FBXO8: variants seen among roughly 807,000 people sequenced by gnomAD.
The protein encoded by FBXO8 is F-box only protein 8.
A neutral mutation model predicts 33.4 loss-of-function variants in FBXO8; 15 were observed. The observed-to-expected ratio is 0.45, with a 90% confidence interval of 0.30 to 0.69. The LOEUF (loss-of-function observed/expected upper bound fraction) is 0.69, where lower values mean the gene tolerates loss of function less well. FBXO8 is among the 30% of genes least tolerant of loss of function. The pLI is 0.08. For synonymous variants in FBXO8, 132 were observed against 131.5 expected, an observed-to-expected ratio of 1.00 and a Z score of -0.02; for missense variants, 274 against 380.3, an observed-to-expected ratio of 0.72 and a Z score of 2.32.
rs931458963 is a variant in FBXO8 at position 174,259,271 on chromosome 4, T to C, written c.456+428A>G. 1.3e-5 allele frequency among the ~76,000 whole-genome samples: 2 copies of C among 152,068 alleles called. No individual in the cohort carries two copies. Among genetic ancestry groups the C allele is most frequent in the African/African-American group, 2.4e-5 (1 of 41,440 alleles). On this transcript the variant is annotated intron_variant, in intron 3 of 5. Transcript: ENST00000393674. This position sits in a 1 kb window ranked among gnomAD's most constrained non-coding sequence, Gnocchi z 4.3. ...TATTTGAAGACAACGTTTTGATTTG[T>C]CAGAAAATAGAACAATGTCCTCAAT...
Position 174,238,659 on chromosome 4 carries a change from C to T in FBXO8, c.772+335G>A, listed in dbSNP as rs551428260. On this transcript the variant is annotated intron_variant, in intron 5 of 5. Transcript: ENST00000393674. Reference sequence around the variant, plus strand: ...GTGTATGTCTATATGTGTATATAGACATAGACATTTGTATACATATAAATT... The same window carrying T: ...GTGTATGTCTATATGTGTATATAGATATAGACATTTGTATACATATAAATT... Among the ~76,000 whole-genome samples, 4 of 148,680 alleles carry T rather than the reference C, an allele frequency of 2.7e-5. No individual in the cohort carries two copies. The South Asian group carries it at 8.5e-4, about 31-fold the overall frequency.
intron 3 of FBXO8, among the ~76,000 whole-genome samples, chr4:174,258,043 T>G (rs1186094047): frequency 6.6e-6 from 1 of 152,140 alleles, no homozygotes; most frequent in Non-Finnish European, 1.5e-5. Context: ...AATATATATT[T>G]TATTATAAAG....
chr4:174,272,876 G>C lies in FBXO8; in HGVS notation c.-8-9776C>G, dbSNP rs528334514. On this transcript the variant is annotated intron_variant, in intron 1 of 5. Coordinates refer to ENST00000393674, the MANE Select transcript of FBXO8 (RefSeq NM_012180.3). The surrounding 1 kb of genome is among the most constrained non-coding windows in gnomAD (Gnocchi z 4.7). ...GGCAAATGCACATCATATGCCTCTAGATGTGATGCCCTGAGGACACAACAT... is the reference window on the plus strand; with the variant it reads ...GGCAAATGCACATCATATGCCTCTACATGTGATGCCCTGAGGACACAACAT... Among the ~76,000 whole-genome samples the C allele has an allele frequency of 1.3e-5, 2 of 152,250 alleles. No individual in the cohort carries two copies. Among genetic ancestry groups the C allele is most frequent in the South Asian group, 2.1e-4 (1 of 4,822 alleles).
chr4:174,263,344 A>G lies in FBXO8; in HGVS notation c.-8-244T>C, dbSNP rs1736615884. On this transcript the variant is annotated intron_variant, in intron 1 of 5. Coordinates refer to ENST00000393674, the MANE Select transcript of FBXO8 (RefSeq NM_012180.3). The surrounding 1 kb of genome is among the most constrained non-coding windows in gnomAD (Gnocchi z 4.2). ...TTATCCCAGTTTGCTAACTACTTCT[A>G]AAGTCCATATGTGACATAATCATTT... Among the ~76,000 whole-genome samples the G allele has an allele frequency of 6.6e-6, 1 of 152,196 alleles. No homozygotes were observed. Among genetic ancestry groups the G allele is most frequent in the South Asian group, 2.1e-4 (1 of 4,834 alleles).
At position 174,274,458 on chromosome 4, in the gene FBXO8, G is replaced by A. The variant is rs1229272491; in HGVS notation, c.-9+8952C>T. Reference sequence around the variant, plus strand: ...TTCATTTCAAATACACCTGATAACTGTGGATTAATTACCTGAGTAGTCATA... The same window carrying A: ...TTCATTTCAAATACACCTGATAACTATGGATTAATTACCTGAGTAGTCATA... On this transcript the variant is annotated intron_variant, in intron 1 of 5. Transcript: ENST00000393674. This position sits in a 1 kb window ranked among gnomAD's most constrained non-coding sequence, Gnocchi z 4.0. Among the ~76,000 whole-genome samples the A allele has an allele frequency of 6.6e-6, 1 of 152,102 alleles. No individual in the cohort carries two copies. The highest frequency in any genetic ancestry group is 2.4e-5 in the African/African-American group (1 of 41,398).
At chr4:174,279,208 G>T (rs986151291) in intron 1 of FBXO8, among the ~76,000 whole-genome samples, 1 of 152,092 alleles carries the variant, frequency 6.6e-6, no homozygotes, top group East Asian at 1.9e-4. Flanking sequence ...GAAATAAGTC[G>T]TATTTCTATA....
chr4:174,278,710 C>G lies in FBXO8; in HGVS notation c.-9+4700G>C, dbSNP rs1005841842. Among the ~76,000 whole-genome samples, 1 of 152,030 alleles carries G rather than the reference C, an allele frequency of 6.6e-6. No homozygotes were observed. The highest frequency in any genetic ancestry group is 1.5e-5 in the Non-Finnish European group (1 of 67,946). On this transcript the variant is annotated intron_variant, in intron 1 of 5. Transcript: ENST00000393674. The surrounding 1 kb of genome is among the most constrained non-coding windows in gnomAD (Gnocchi z 4.1). ...ATACACATACTCACCTGCCCACTAACCACAAAGGCCATTGCTATGAGTGCT... is the reference window on the plus strand; with the variant it reads ...ATACACATACTCACCTGCCCACTAAGCACAAAGGCCATTGCTATGAGTGCT...
In FBXO8 at chr4:174,254,165, G is replaced by A. The variant is rs1227512179; in HGVS notation, c.456+5534C>T. On this transcript the variant is annotated intron_variant, in intron 3 of 5. Coordinates refer to ENST00000393674, the MANE Select transcript of FBXO8 (RefSeq NM_012180.3). The surrounding 1 kb of genome is among the most constrained non-coding windows in gnomAD (Gnocchi z 4.2). ...TGAGTCGAGCAGCATAATGAAGGGTGCTGAGAACTCAATTCTTCCTAGCTA... is the reference window on the plus strand; with the variant it reads ...TGAGTCGAGCAGCATAATGAAGGGTACTGAGAACTCAATTCTTCCTAGCTA... 6.6e-6 allele frequency among the ~76,000 whole-genome samples: 1 copy of A among 152,160 alleles called. No homozygotes were observed. Among genetic ancestry groups the A allele is most frequent in the African/African-American group, 2.4e-5 (1 of 41,440 alleles).
rs558798096 is a variant in FBXO8 at position 174,263,311 on chromosome 4, C to T, written c.-8-211G>A. On this transcript the variant is annotated intron_variant, in intron 1 of 5. Coordinates refer to ENST00000393674, the MANE Select transcript of FBXO8 (RefSeq NM_012180.3). This position sits in a 1 kb window ranked among gnomAD's most constrained non-coding sequence, Gnocchi z 4.2. ...AAGTTTCAGAATTACTTGGTTCGAT[C>T]ATCACCTTTATCCCAGTTTGCTAAC... 2.9e-4 allele frequency among the ~76,000 whole-genome samples: 44 copies of T among 152,292 alleles called. No individual in the cohort carries two copies. The highest frequency in any genetic ancestry group is 1.0e-3 in the African/African-American group (43 of 41,560).
Position 174,262,138 on chromosome 4 carries a change from A to T in FBXO8, c.329+626T>A, listed in dbSNP as rs1736578470. Among the ~76,000 whole-genome samples the T allele has an allele frequency of 2.0e-5, 3 of 152,158 alleles. No homozygotes were observed. The highest frequency in any genetic ancestry group is 7.2e-5 in the African/African-American group (3 of 41,454). ...ACTAGTACAATGTGGAAATTTATGT[A>T]ATCTAAGTTCAGCAAGTAAATAAAA... On this transcript the variant is annotated intron_variant, in intron 2 of 5. Coordinates refer to ENST00000393674, the MANE Select transcript of FBXO8 (RefSeq NM_012180.3). This position sits in a 1 kb window ranked among gnomAD's most constrained non-coding sequence, Gnocchi z 4.6.
At chr4:174,276,022 CAAAG>C (rs1205184189) in intron 1 of FBXO8, among the ~76,000 whole-genome samples, 1 of 151,902 alleles carries the variant, frequency 6.6e-6, no homozygotes, top group Non-Finnish European at 1.5e-5. Context: ...TATTTAAAAA[CAAAG>C]TAATAAGCTA....
intron 1 of FBXO8, among the ~76,000 whole-genome samples, chr4:174,264,833 C>T (rs1736654881): frequency 1.4e-5 from 2 of 147,184 alleles, no homozygotes; most frequent in Admixed American, 1.3e-4. Flanking sequence ...AATAAAAAGA[C>T]AAGCCACGGA....
At position 174,281,459 on chromosome 4, in the gene FBXO8, G is replaced by A. The variant is rs11730346; in HGVS notation, c.-9+1951C>T. Reference sequence around the variant, plus strand: ...CACCTATGATTCCTGAACCTTGGGAGGCTGTGGAAGGAGGATCGCTTGAGC... The same window carrying A: ...CACCTATGATTCCTGAACCTTGGGAAGCTGTGGAAGGAGGATCGCTTGAGC... On this transcript the variant is annotated intron_variant, in intron 1 of 5. Coordinates refer to ENST00000393674, the MANE Select transcript of FBXO8 (RefSeq NM_012180.3). This position sits in a 1 kb window ranked among gnomAD's most constrained non-coding sequence, Gnocchi z 4.6. Among the ~76,000 whole-genome samples, 21,571 of 152,208 alleles carry A rather than the reference G, an allele frequency of 0.14. 2,036 individuals are homozygous for A. Among genetic ancestry groups the A allele is most frequent in the Admixed American group, 0.25 (3,758 of 15,292 alleles).
At position 174,261,816 on chromosome 4, in the gene FBXO8, T is replaced by C. The variant is rs542880077; in HGVS notation, c.329+948A>G. ...TGACTAAAGTTTGTAATTTATTAAG[T>C]CTCTCAATTAGATTTCTAGTTTGAA... On this transcript the variant is annotated intron_variant, in intron 2 of 5. Coordinates refer to ENST00000393674, the MANE Select transcript of FBXO8 (RefSeq NM_012180.3). This position sits in a 1 kb window ranked among gnomAD's most constrained non-coding sequence, Gnocchi z 4.1. Among the ~76,000 whole-genome samples, 48 of 152,184 alleles carry C rather than the reference T, an allele frequency of 3.2e-4. No homozygotes were observed. The South Asian group carries it at 9.9e-3, about 32-fold the overall frequency.
chr4:174,271,977 G>A (rs1025484538), intron 1 of FBXO8, among the ~76,000 whole-genome samples: 4 of 152,154 alleles, frequency 2.6e-5, no homozygotes, highest in Non-Finnish European at 1.5e-5. Context: ...TTCTCAACTT[G>A]TACCTTTCCA....
Position 174,241,139 on chromosome 4 carries a change from G to A in FBXO8, c.536C>T (p.Thr179Ile), listed in dbSNP as rs1265058296. 2 of 1,609,080 alleles carry A rather than the reference G, an allele frequency of 1.2e-6. No homozygotes were observed. Among genetic ancestry groups the A allele is most frequent in the East Asian group, 2.2e-5 (1 of 44,664 alleles). Residue 179 changes from threonine to isoleucine, a missense_variant, in exon 4 of 6, where the codon ACA becomes ATA. Around this residue, in one of 2 missense-constraint regions of FBXO8, gnomAD observed 186 missense variants for 293.4 expected, o/e 0.63. Transcript: ENST00000393674. The surrounding 1 kb of genome is among the most constrained non-coding windows in gnomAD (Gnocchi z 4.2). Reference protein sequence around the residue: ...EIAKFIFCTRTLNWKKLRIYL... With the variant: ...EIAKFIFCTRILNWKKLRIYL... ...GATTCTCAGTTTTTTCCAATTTAGT[G>A]TTCTTGTACAGAAGATAAACTTTGC...
rs1404467489 is a variant in FBXO8, at chr4:174,262,296, G to A, written c.329+468C>T. 1.3e-5 allele frequency among the ~76,000 whole-genome samples: 2 copies of A among 152,136 alleles called. No individual in the cohort carries two copies. The highest frequency in any genetic ancestry group is 4.8e-5 in the African/African-American group (2 of 41,426). On this transcript the variant is annotated intron_variant, in intron 2 of 5. Coordinates refer to ENST00000393674, the MANE Select transcript of FBXO8 (RefSeq NM_012180.3). The surrounding 1 kb of genome is among the most constrained non-coding windows in gnomAD (Gnocchi z 4.6). ...CACCTTTGAAGAAATATAGAATTGA[G>A]TAAAAATGTAAGGCTCTATATGAAG...
intron 1 of FBXO8, among the ~76,000 whole-genome samples, chr4:174,264,805 A>C (rs1330726340): frequency 6.6e-6 from 1 of 152,004 alleles, no homozygotes; most frequent in Non-Finnish European, 1.5e-5. Context: ...TAAAAAAAAA[A>C]AAACAGAATA....
Position 174,245,662 on chromosome 4 carries a change from A to G in FBXO8, c.457-4444T>C, listed in dbSNP as rs1241659116. Among the ~76,000 whole-genome samples, 8 of 151,960 alleles carry G rather than the reference A, an allele frequency of 5.3e-5. No homozygotes were observed. In the South Asian group the frequency reaches 1.7e-3, roughly 31 times the overall value. ...CAATGGGCTATAATGTGAATTTGGC[A>G]GCAATATAAAGATAAATAATGAAAG... On this transcript the variant is annotated intron_variant, in intron 3 of 5. Transcript: ENST00000393674. This position sits in a 1 kb window ranked among gnomAD's most constrained non-coding sequence, Gnocchi z 4.6.
Sources: gnomAD v4.1 joint callset for allele counts (sites outside exome capture counted in the v4.1 genomes callset) on GRCh38, gnomAD v4.1.1 for gene constraint, gnomAD v4.1.1 regional missense constraint, Gnocchi (gnomAD v3.1) non-coding constraint, MANE v1.5 for transcripts, NCBI Gene and HGNC (gene_info 2026-07-23, HGNC 2026-07-21) for gene names.